SH3BGRL: variants seen among roughly 807,000 people sequenced by gnomAD.
SH3BGRL encodes the protein SH3 domain binding glutamate rich protein like, also known as adapter SH3BGRL.
In SH3BGRL, 7 loss-of-function variants were observed where a neutral mutation model predicts 9.8. The ratio of observed to expected loss-of-function variants is 0.72; its 90% CI spans 0.41 to 1.35. The LOEUF is 1.35. SH3BGRL is among the 40% of genes most tolerant of loss of function. The pLI is 0.01. For missense variants in SH3BGRL, 73 were observed against 84.4 expected, an observed-to-expected ratio of 0.86 and a Z score of 0.53; for synonymous variants, 36 against 29.1, an observed-to-expected ratio of 1.24 and a Z score of -0.76.
chrX:81,272,502 C>CTT (rs748353277), intron 1 of SH3BGRL, among the ~76,000 whole-genome samples: 11 of 95,633 alleles, frequency 1.2e-4, no homozygotes, highest in Admixed American at 2.3e-4. Context: ...TTTTTCTTTT[C>CTT]TTTTTTTTTT....
chrX:81,243,730 A>C (rs1197582713), intron 1 of SH3BGRL, among the ~76,000 whole-genome samples: 1 of 111,270 alleles, frequency 9.0e-6, no homozygotes, highest in East Asian at 2.8e-4. Context: ...AAAATAAGTA[A>C]ATTCTTACTT....
At chrX:81,227,970 T>C (rs2075622283) in intron 1 of SH3BGRL, among the ~76,000 whole-genome samples, 1 of 112,150 alleles carries the variant, frequency 8.9e-6, no homozygotes, top group African/African-American at 3.2e-5. Context: ...TGTATGCAGT[T>C]TTAGACACCA....
At chrX:81,235,753 C>T (rs1380034019) in intron 1 of SH3BGRL, among the ~76,000 whole-genome samples, 1 of 111,422 alleles carries the variant, frequency 9.0e-6, no homozygotes, top group East Asian at 2.8e-4. Context: ...TCCACTCCAA[C>T]TCTGCTTTTA....
At chrX:81,280,403 C>A (rs1342285640) in intron 3 of SH3BGRL, among the ~76,000 whole-genome samples, 1 of 111,701 alleles carries the variant, frequency 9.0e-6, no homozygotes. Flanking sequence ...AGCTTAGGAC[C>A]CTCACGGAGT....
At chrX:81,296,757 A>G (rs1365994211) in intron 3 of SH3BGRL, among the ~76,000 whole-genome samples, 3 of 111,911 alleles carry the variant, frequency 2.7e-5, no homozygotes, top group Non-Finnish European at 5.6e-5. Context: ...TTTGGTGTGT[A>G]TTCTATCATA....
intron 2 of SH3BGRL, among the ~76,000 whole-genome samples, chrX:81,277,626 A>G (rs2075802527): frequency 8.9e-6 from 1 of 112,076 alleles, no homozygotes; most frequent in African/African-American, 3.2e-5. Context: ...AGGCTCTGAG[A>G]AAATCTCAAC....
intron 1 of SH3BGRL, among the ~76,000 whole-genome samples, chrX:81,218,999 G>T (rs980369011): frequency 1.8e-5 from 2 of 109,422 alleles, no homozygotes; most frequent in African/African-American, 6.6e-5. Flanking sequence ...ATTTCTAAAT[G>T]CCAACAGTGA....
rs184471965 is a variant in SH3BGRL, at chrX:81,208,233, A to G, written c.45+5988A>G. ...GCCGAGATCGTGCCACTGCACTCCA[A>G]TCTGGGTGACAGAGCGAGACACCGT... is the stretch of plus-strand genomic sequence containing the variant. On this transcript the variant is annotated intron_variant, in intron 1 of 3. Transcript: ENST00000373212. 2.5e-3 allele frequency among the ~76,000 whole-genome samples: 283 copies of G among 111,238 alleles called. 1 individual carries two copies. Among genetic ancestry groups the G allele is most frequent in the African/African-American group, 8.3e-3 (254 of 30,562 alleles).
intron 1 of SH3BGRL, among the ~76,000 whole-genome samples, chrX:81,228,323 G>A: frequency 8.9e-6 from 1 of 111,817 alleles, no homozygotes. Context: ...CTGGAAGCAG[G>A]TGCTGGGAGC....
At position 81,297,306 on chromosome X, in the gene SH3BGRL, C is replaced by A; in HGVS notation, c.*79C>A. ...TAAAATAGCAGAATTAGCTTTGCTTCAAAAGAAATAGGCTTAATGTTGAAA... is the reference window on the plus strand; with the variant it reads ...TAAAATAGCAGAATTAGCTTTGCTTAAAAAGAAATAGGCTTAATGTTGAAA... On this transcript the variant is annotated 3_prime_UTR_variant, in exon 4 of 4. Coordinates refer to ENST00000373212, the MANE Select transcript of SH3BGRL (RefSeq NM_003022.3). 1 of 806,507 alleles carries A rather than the reference C, an allele frequency of 1.2e-6. No homozygotes were observed. The highest frequency in any genetic ancestry group is 1.8e-6 in the Non-Finnish European group (1 of 553,883). The allele number at this position is 806,507 out of a possible 1,213,427, so 66.5% of individuals were successfully genotyped here.
chrX:81,210,894 T>TATC (rs2075560995), intron 1 of SH3BGRL, among the ~76,000 whole-genome samples: 2 of 112,373 alleles, frequency 1.8e-5, no homozygotes, highest in African/African-American at 6.5e-5. Flanking sequence ...AACTTGAGTT[T>TATC]ATCAGAGGAG....
chrX:81,275,246 CA>C (rs1051017489), intron 1 of SH3BGRL, among the ~76,000 whole-genome samples: 267 of 105,639 alleles, frequency 2.5e-3, no homozygotes, highest in African/African-American at 8.3e-3. Context: ...TTCACTCATT[CA>C]AAAAAAAAAA....
At chrX:81,296,394 G>T (rs2075874784) in intron 3 of SH3BGRL, among the ~76,000 whole-genome samples, 1 of 111,735 alleles carries the variant, frequency 8.9e-6, no homozygotes, top group South Asian at 3.7e-4. Flanking sequence ...GAATTTTGGT[G>T]TCATTTAATA....
At chrX:81,211,573 C>T (rs953616234) in intron 1 of SH3BGRL, among the ~76,000 whole-genome samples, 9 of 109,196 alleles carry the variant, frequency 8.2e-5, no homozygotes, top group Admixed American at 3.9e-4. Flanking sequence ...GGCTACAGAG[C>T]GAGACTCCGT....
chrX:81,281,026 G>A (rs997280795), intron 3 of SH3BGRL, among the ~76,000 whole-genome samples: 1 of 111,026 alleles, frequency 9.0e-6, no homozygotes, highest in Non-Finnish European at 1.9e-5. Flanking sequence ...AACACGAAAT[G>A]CTTTGGAAAG....
chrX:81,270,210 T>A (rs1324952934), intron 1 of SH3BGRL, among the ~76,000 whole-genome samples: 1 of 111,422 alleles, frequency 9.0e-6, no homozygotes, highest in Non-Finnish European at 1.9e-5. Context: ...ACCTTCTGAA[T>A]CCTGTTTCTG....
At chrX:81,294,715 T>A (rs1048813521) in intron 3 of SH3BGRL, among the ~76,000 whole-genome samples, 1 of 111,027 alleles carries the variant, frequency 9.0e-6, no homozygotes, top group African/African-American at 3.3e-5. Context: ...GAATGGTAGA[T>A]CCACTGACAG....
At chrX:81,265,068 C>A in intron 1 of SH3BGRL, among the ~76,000 whole-genome samples, 1 of 105,565 alleles carries the variant, frequency 9.5e-6, no homozygotes. Flanking sequence ...TGAGAAACAT[C>A]CTTTAAGGAG....
intron 1 of SH3BGRL, among the ~76,000 whole-genome samples, chrX:81,271,650 G>C (rs1465548618): frequency 9.0e-6 from 1 of 111,116 alleles, no homozygotes; most frequent in East Asian, 2.8e-4. Flanking sequence ...GGGGAGAATG[G>C]AAACAAGTTG....
Sources: gnomAD v4.1 joint callset for allele counts (sites outside exome capture counted in the v4.1 genomes callset) on GRCh38, gnomAD v4.1.1 for gene constraint, MANE v1.5 for transcripts, NCBI Gene and HGNC (gene_info 2026-07-23, HGNC 2026-07-21) for gene names.